GFRA2: variants seen among roughly 807,000 people sequenced by gnomAD.
GFRA2 encodes the protein GDNF family receptor alpha-2.
GFRA2 carries 17 observed loss-of-function variants against 48.3 expected under a neutral mutation model. That is an observed-to-expected ratio of 0.35 (90% CI 0.24 to 0.53). The LOEUF (loss-of-function observed/expected upper bound fraction) is 0.53. Ranked by LOEUF, GFRA2 falls within the 20% of genes least tolerant of loss-of-function variation. The pLI is 0.93. For synonymous variants in GFRA2, 305 were observed against 257.2 expected (o/e 1.19, Z -1.78); for missense variants, 660 against 637.3 (o/e 1.04, Z -0.38).
intron 3 of GFRA2, among the ~76,000 whole-genome samples, chr8:21,758,012 G>A (rs957262025): frequency 4.6e-5 from 7 of 152,078 alleles, no homozygotes; most frequent in Admixed American, 1.3e-4. Context: ...ACTCGGAGGG[G>A]GAAGTCACCG....
At chr8:21,806,753 C>A (rs895191941) in intron 1 of GFRA2, among the ~76,000 whole-genome samples, 1 of 152,234 alleles carries the variant, frequency 6.6e-6, no homozygotes, top group Admixed American at 6.5e-5. Flanking sequence ...AGGTACAAGC[C>A]ACCATTCCTG....
At chr8:21,778,612 G>T (rs986776042) in intron 2 of GFRA2, among the ~76,000 whole-genome samples, 107 of 152,310 alleles carry the variant, frequency 7.0e-4, no homozygotes, top group African/African-American at 2.5e-3. Context: ...AACCAGGCAG[G>T]ACGCAGCGGC....
Position 21,704,992 on chromosome 8 carries a change from T to C in GFRA2, c.1038A>G (p.Pro346=). Residue 346 remains proline, a synonymous_variant, in exon 6 of 9, where the codon CCA becomes CCG. Transcript: ENST00000524240. Reference sequence around the variant, plus strand: ...AGAACATCCAGAACTTACGGAGGCATGGGTTCTCGGTGAAGTCCCTGAGGA... The same window carrying C: ...AGAACATCCAGAACTTACGGAGGCACGGGTTCTCGGTGAAGTCCCTGAGGA... ...EKFLRDFTEN[P]CLRNAIQAFG... 1 of 1,610,152 alleles carries C rather than the reference T, an allele frequency of 6.2e-7. No individual in the cohort carries two copies. Among genetic ancestry groups the C allele is most frequent in the Non-Finnish European group, 8.5e-7 (1 of 1,178,760 alleles).
chr8:21,793,573 C>T (rs2117104395), upstream of GFRA2, among the ~76,000 whole-genome samples: 1 of 152,300 alleles, frequency 6.6e-6, no homozygotes, highest in East Asian at 1.9e-4. Flanking sequence ...CCTATAATAA[C>T]TCGATGGCTA....
Position 21,705,136 on chromosome 8 carries a change from A to T in GFRA2, c.905-11T>A. 6.2e-7 allele frequency: 1 copy of T among 1,606,078 alleles called. No individual in the cohort carries two copies. The highest frequency in any genetic ancestry group is 1.1e-5 in the South Asian group (1 of 89,562). ...GTGTCATGTCAAACCCTGGGCAGGA[A>T]GAAAGGTGGGGGAGAGGAGAGAGGT... On this transcript the variant is annotated splice_polypyrimidine_tract_variant and intron_variant, in intron 5 of 8. Transcript: ENST00000524240.
At chr8:21,763,402 C>G (rs1253734085) in intron 3 of GFRA2, among the ~76,000 whole-genome samples, 1 of 152,120 alleles carries the variant, frequency 6.6e-6, no homozygotes, top group Non-Finnish European at 1.5e-5. Context: ...GAGGCTGTCA[C>G]TCACCAACCC....
chr8:21,743,130 A>C (rs1055459165), intron 4 of GFRA2, among the ~76,000 whole-genome samples: 1 of 152,150 alleles, frequency 6.6e-6, no homozygotes, highest in East Asian at 1.9e-4. Flanking sequence ...TTAAAGAGTG[A>C]GCAGAGCCCC....
At chr8:21,701,479 G>A (rs1244376448) in intron 7 of GFRA2, among the ~76,000 whole-genome samples, 1 of 152,238 alleles carries the variant, frequency 6.6e-6, no homozygotes, top group South Asian at 2.1e-4. Context: ...GAAGAAGCCT[G>A]GAGAGTGGTA....
Position 21,705,039 on chromosome 8 carries a change from T to A in GFRA2, c.991A>T (p.Met331Leu), listed in dbSNP as rs372379278. ...AGGAACTTCTCACACTCCTCCTCCA[T>A]GTTCCCGCTGCCACGACAGCTGCAC... ...PWCSCRGSGN[M>L]EEECEKFLRD... The change falls in exon 6 of 9, where the codon ATG becomes TTG. Residue 331 changes from methionine (M) to leucine (L), a missense_variant. By Grantham distance (15) the Met-to-Leu change is conservative. Coordinates refer to ENST00000524240, the MANE Select transcript of GFRA2 (RefSeq NM_001495.5). 6.2e-7 allele frequency: 1 copy of A among 1,610,776 alleles called. No individual in the cohort carries two copies. The highest frequency in any genetic ancestry group is 8.5e-7 in the Non-Finnish European group (1 of 1,179,048).
chr8:21,782,830 G>C lies in GFRA2; in HGVS notation c.110C>G (p.Pro37Arg). ...CTCATTGGCCCGGACACAGTCCACT[G>C]GGGGGCGCCAGCCGTGGAGCTCGGG... ...QGPELHGWRP[P>R]VDCVRANELC... Residue 37 changes from proline (P) to arginine (R), a missense_variant, in exon 2 of 9, where the codon CCA becomes CGA. Pro to Arg is a moderately radical substitution (Grantham distance 103). Transcript: ENST00000524240. 6.4e-7 allele frequency: 1 copy of C among 1,572,206 alleles called. No individual in the cohort carries two copies. Among genetic ancestry groups the C allele is most frequent in the Non-Finnish European group, 8.6e-7 (1 of 1,165,480 alleles).
chr8:21,699,882 T>C (rs1802385636), intron 7 of GFRA2, among the ~76,000 whole-genome samples: 1 of 152,194 alleles, frequency 6.6e-6, no homozygotes, highest in African/African-American at 2.4e-5. Flanking sequence ...TGCACCCAGC[T>C]ACGCAGGGTG....
intron 4 of GFRA2, among the ~76,000 whole-genome samples, chr8:21,707,163 C>A (rs1029337323): frequency 6.6e-6 from 1 of 152,212 alleles, no homozygotes; most frequent in Non-Finnish European, 1.5e-5. Context: ...AGTCGCCATG[C>A]ACTCCATGAG....
At chr8:21,794,517 C>G (rs1480052800) in intron 2 of GFRA2, among the ~76,000 whole-genome samples, 1 of 152,198 alleles carries the variant, frequency 6.6e-6, no homozygotes, top group African/African-American at 2.4e-5. Context: ...TCCCAAAGTG[C>G]TGGGATTACA....
At chr8:21,728,441 T>C (rs1353173902) in intron 4 of GFRA2, among the ~76,000 whole-genome samples, 1 of 151,754 alleles carries the variant, frequency 6.6e-6, no homozygotes. Flanking sequence ...CACCCGGCTA[T>C]TGTTTGTATT....
At chr8:21,756,864 T>C (rs1309842441) in intron 3 of GFRA2, among the ~76,000 whole-genome samples, 1 of 152,158 alleles carries the variant, frequency 6.6e-6, no homozygotes, top group African/African-American at 2.4e-5. Context: ...ATCCCAGTCC[T>C]GGGCTGGCCC....
At chr8:21,747,599 C>T (rs1563244111) in intron 4 of GFRA2, among the ~76,000 whole-genome samples, 1 of 152,104 alleles carries the variant, frequency 6.6e-6, no homozygotes, top group Non-Finnish European at 1.5e-5. Flanking sequence ...GTACCACTTC[C>T]CCTTCAGTGT....
chr8:21,694,077 T>TTTATATATATATATATATA (rs1802032776), intron 8 of GFRA2, among the ~76,000 whole-genome samples: 2 of 109,292 alleles, frequency 1.8e-5, no homozygotes, highest in African/African-American at 3.2e-5. Flanking sequence ...TTATTTATTT[T>TTTATATATATATATATATA]TATATATATA....
chr8:21,809,678 T>C (rs1371185903), intron 1 of GFRA2, among the ~76,000 whole-genome samples: 1 of 152,320 alleles, frequency 6.6e-6, no homozygotes, highest in East Asian at 1.9e-4. Flanking sequence ...CCCAGTTCCC[T>C]ACCTGGCCCC....
At chr8:21,729,503 C>A (rs1275612105) in intron 4 of GFRA2, among the ~76,000 whole-genome samples, 2 of 152,128 alleles carry the variant, frequency 1.3e-5, no homozygotes, top group Non-Finnish European at 2.9e-5. Flanking sequence ...GAGACGCCCC[C>A]CTGCCCTTCC....
Sources: allele counts gnomAD v4.1 joint callset (sites outside exome capture counted in the v4.1 genomes callset), GRCh38; gene constraint gnomAD v4.1.1; transcripts MANE v1.5; gene names NCBI Gene and HGNC (gene_info 2026-07-23, HGNC 2026-07-21).